The following PDE10A variants were observed in gnomAD, a reference collection of about 807,000 sequenced individuals.
The protein encoded by PDE10A is phosphodiesterase 10A.
In PDE10A, 39 loss-of-function variants were observed where a neutral mutation model predicts 97.7. The ratio of observed to expected loss-of-function variants is 0.40; its 90% CI spans 0.31 to 0.52. The LOEUF is 0.52. Ranked by LOEUF, PDE10A falls within the 20% of genes least tolerant of loss-of-function variation. PDE10A has a pLI of 0.56. For synonymous variants in PDE10A, 371 were observed against 376.8 expected, an observed-to-expected ratio of 0.98 and a Z score of 0.18; for missense variants, 731 against 1,047.8, an observed-to-expected ratio of 0.70 and a Z score of 4.17.
intron 1 of PDE10A, among the ~76,000 whole-genome samples, chr6:165,890,753 T>C (rs527540638): frequency 1.0e-3 from 156 of 152,160 alleles, no homozygotes; most frequent in Admixed American, 3.3e-3. Flanking sequence ...CGGGTGGCCA[T>C]ATAAGGCCAT....
At chr6:165,459,550 CAGACAGACAGATAGAT>C (rs1778189329) in intron 3 of PDE10A, among the ~76,000 whole-genome samples, 2 of 119,018 alleles carry the variant, frequency 1.7e-5, no homozygotes, top group African/African-American at 4.0e-5. Flanking sequence ...GACAGACAGA[CAGACAGACAGATAGAT>C]AGATAATGAT....
intron 1 of PDE10A, among the ~76,000 whole-genome samples, chr6:165,602,834 C>A (rs896524659): frequency 6.6e-6 from 1 of 152,002 alleles, no homozygotes; most frequent in African/African-American, 2.4e-5. Context: ...GTCCTTAAAA[C>A]CAAAGAGTCC....
At position 165,330,340 on chromosome 6, in the gene PDE10A, C is replaced by T. The variant is rs186037967; in HGVS notation, c.*2685G>A. 6.6e-6 allele frequency: 1 copy of T among 152,238 alleles called. No homozygotes were observed. The highest frequency in any genetic ancestry group is 1.9e-4 in the East Asian group (1 of 5,184). 9.4% of individuals were successfully genotyped at this position (152,238 alleles called of 1,614,324 possible). ...GTTCTTTTAAGAAAAGATCTGGGAA[C>T]AAGACAAGAAACATGACCCGAAAGT... On this transcript the variant is annotated 3_prime_UTR_variant, in exon 22 of 22. Coordinates refer to ENST00000539869, the MANE Select transcript of PDE10A (RefSeq NM_001385079.1).
At chr6:165,953,152 C>T (rs2128495625) in intron 1 of PDE10A, among the ~76,000 whole-genome samples, 1 of 152,308 alleles carries the variant, frequency 6.6e-6, no homozygotes, top group South Asian at 2.1e-4. Context: ...TGCCTCTGTT[C>T]TTGCAGAGGC....
chr6:165,701,120 G>A (rs557921153), intron 1 of PDE10A, among the ~76,000 whole-genome samples: 2 of 152,282 alleles, frequency 1.3e-5, no homozygotes, highest in Admixed American at 6.5e-5. Context: ...TCAGCTATGC[G>A]GTGTCTGACT....
chr6:165,619,557 G>C lies in PDE10A; in HGVS notation c.865+42390C>G. The stretch of plus-strand genomic sequence containing the variant: ...GTCTAATGTAGTGTAGTGTAGTCTA[G>C]TGTAGTATACTGTAGTCTAGCGTAG... On this transcript the variant is annotated intron_variant, in intron 1 of 21. Coordinates refer to ENST00000539869, the MANE Select transcript of PDE10A (RefSeq NM_001385079.1). Among the ~76,000 whole-genome samples the C allele has an allele frequency of 1.5e-5, 2 of 130,526 alleles. 1 individual carries two copies. The highest frequency in any genetic ancestry group is 3.3e-5 in the Non-Finnish European group (2 of 60,524). 85.6% of individuals were successfully genotyped at this position (130,526 alleles called of 152,430 possible). A position where few individuals can be genotyped will look rare whatever the true frequency, so the allele number is the denominator to read the frequency against.
chr6:165,766,965 A>T (rs1245300676), intron 1 of PDE10A, among the ~76,000 whole-genome samples: 1 of 152,210 alleles, frequency 6.6e-6, no homozygotes, highest in African/African-American at 2.4e-5. Context: ...GAGTCTTTCA[A>T]ACTTTCCCTT....
chr6:165,431,349 C>G, intron 8 of PDE10A, 73 bp downstream of exon 8: 1 of 880,186 alleles, frequency 1.1e-6, no homozygotes, highest in Non-Finnish European at 1.8e-6. Context: ...ACCTCTATTC[C>G]GGTCTTCAAT....
At chr6:165,899,547 C>T (rs1312686958) in intron 1 of PDE10A, among the ~76,000 whole-genome samples, 1 of 152,182 alleles carries the variant, frequency 6.6e-6, no homozygotes. Flanking sequence ...GCAAAAATCA[C>T]AAAAATACGC....
At chr6:165,475,057 C>T (rs1030167484) in intron 3 of PDE10A, among the ~76,000 whole-genome samples, 1 of 152,096 alleles carries the variant, frequency 6.6e-6, no homozygotes, top group Non-Finnish European at 1.5e-5. Context: ...GCCCACCTGC[C>T]CACTCCCCTG....
intron 2 of PDE10A, among the ~76,000 whole-genome samples, chr6:165,497,844 T>C (rs761479653): frequency 2.0e-5 from 3 of 152,236 alleles, no homozygotes; most frequent in Non-Finnish European, 2.9e-5. Context: ...AACGTATCTA[T>C]GATCATGACA....
intron 1 of PDE10A, among the ~76,000 whole-genome samples, chr6:165,885,352 C>A (rs1382977852): frequency 6.6e-6 from 1 of 152,274 alleles, no homozygotes; most frequent in African/African-American, 2.4e-5. Flanking sequence ...GAGAGAGAAG[C>A]AAAGGAGAAG....
intron 1 of PDE10A, among the ~76,000 whole-genome samples, chr6:165,701,774 TGC>T (rs1248861741): frequency 6.6e-6 from 1 of 151,118 alleles, no homozygotes; most frequent in Non-Finnish European, 1.5e-5. Context: ...TGTGTATGTT[TGC>T]GTGTGTGTGT....
intron 1 of PDE10A, among the ~76,000 whole-genome samples, chr6:165,591,956 T>G (rs1583603886): frequency 6.6e-6 from 1 of 152,196 alleles, no homozygotes; most frequent in African/African-American, 2.4e-5. Flanking sequence ...AAACACTCCC[T>G]GCAGCATTGG....
At chr6:165,822,590 G>T (rs1218407992) in intron 1 of PDE10A, among the ~76,000 whole-genome samples, 1 of 151,344 alleles carries the variant, frequency 6.6e-6, no homozygotes, top group East Asian at 1.9e-4. Flanking sequence ...CATAGAAAAG[G>T]TATAGTAAAA....
At chr6:165,413,143 T>C (rs575143740) in intron 13 of PDE10A, among the ~76,000 whole-genome samples, 1 of 152,242 alleles carries the variant, frequency 6.6e-6, no homozygotes, top group South Asian at 2.1e-4. Flanking sequence ...TGTGTAAGGA[T>C]CTCAAATGAA....
chr6:165,488,327 G>T (rs1780035686), intron 2 of PDE10A, among the ~76,000 whole-genome samples: 1 of 152,150 alleles, frequency 6.6e-6, no homozygotes, highest in Non-Finnish European at 1.5e-5. Flanking sequence ...AAAAGCCTTA[G>T]CAAGGATAGT....
chr6:165,608,874 A>AT (rs1787356104), intron 1 of PDE10A, among the ~76,000 whole-genome samples: 1 of 152,114 alleles, frequency 6.6e-6, no homozygotes, highest in South Asian at 2.1e-4. Flanking sequence ...GATGATGAGC[A>AT]TTTTTTCATG....
chr6:165,577,411 C>A (rs1041591944), intron 1 of PDE10A, among the ~76,000 whole-genome samples: 1 of 152,160 alleles, frequency 6.6e-6, no homozygotes, highest in Non-Finnish European at 1.5e-5. Context: ...GGGCAGCACG[C>A]AACACTCCAT....
Sources: gnomAD v4.1 joint callset for allele counts (sites outside exome capture counted in the v4.1 genomes callset) on GRCh38, gnomAD v4.1.1 for gene constraint, MANE v1.5 for transcripts, NCBI Gene and HGNC (gene_info 2026-07-23, HGNC 2026-07-21) for gene names.